HECW1: variants seen among roughly 807,000 people sequenced by gnomAD.
HECW1 encodes HECT, C2 and WW domain containing E3 ubiquitin protein ligase 1.
Under a neutral mutation model 182.3 loss-of-function variants are expected in HECW1, and 61 were observed. The ratio of observed to expected loss-of-function variants is 0.33; its 90% CI spans 0.27 to 0.41. HECW1 has a LOEUF of 0.41. Ranked by LOEUF, HECW1 falls within the 10% of genes least tolerant of loss-of-function variation. The probability of loss-of-function intolerance (pLI) is 1.00; values close to 1 mark genes in which losing one functional copy is unlikely to be tolerated. For synonymous variants in HECW1, 859 were observed against 832.6 expected (o/e 1.03, Z -0.55); for missense variants, 1,739 against 2,108.9 (o/e 0.82, Z 3.44).
chr7:43,132,978 TAAGA>T (rs1047872933), intron 2 of HECW1, among the ~76,000 whole-genome samples: 3 of 152,218 alleles, frequency 2.0e-5, no homozygotes, highest in African/African-American at 2.4e-5. Context: ...AGTTTTTTAA[TAAGA>T]AAGAAGGATG....
At chr7:43,378,993 G>C (rs993356410) in intron 6 of HECW1, among the ~76,000 whole-genome samples, 39 of 152,180 alleles carry the variant, frequency 2.6e-4, no homozygotes, top group African/African-American at 9.4e-4. Flanking sequence ...CTTATGGGGG[G>C]GCGGTGTGCC....
chr7:43,534,434 G>A (rs947820164), intron 24 of HECW1, among the ~76,000 whole-genome samples: 1 of 152,224 alleles, frequency 6.6e-6, no homozygotes, highest in Non-Finnish European at 1.5e-5. Flanking sequence ...AAGAGGGAGA[G>A]AAGGAAGGGA....
chr7:43,474,939 A>C (rs2078164918), intron 16 of HECW1, among the ~76,000 whole-genome samples: 1 of 152,198 alleles, frequency 6.6e-6, no homozygotes, highest in East Asian at 1.9e-4. Context: ...AGATTTATAG[A>C]GATAGAAAGT....
chr7:43,489,335 A>G (rs1490659543), intron 17 of HECW1, among the ~76,000 whole-genome samples: 2 of 152,248 alleles, frequency 1.3e-5, no homozygotes, highest in Non-Finnish European at 2.9e-5. Context: ...GAGACTTATA[A>G]TTTCAATCCC....
At chr7:43,489,729 CTGCATACAAAGGA>C (rs2078857329) in intron 17 of HECW1, among the ~76,000 whole-genome samples, 1 of 152,216 alleles carries the variant, frequency 6.6e-6, no homozygotes, top group Admixed American at 6.5e-5. Flanking sequence ...TGGCCCCTGT[CTGCATACAAAGGA>C]TGTTATCCTT....
chr7:43,114,244 A>T lies in HECW1; in HGVS notation c.-179A>T. On this transcript the variant is annotated 5_prime_UTR_variant, in exon 2 of 30. Transcript: ENST00000395891. The stretch of plus-strand genomic sequence containing the variant: ...GAGGCATCTTCTCTCTTTTCCTGGG[A>T]TTTAAACGCGATTTAGGAGGGCAGA... 1.5e-6 allele frequency: 2 copies of T among 1,363,188 alleles called. No individual in the cohort carries two copies. The allele number at this position is 1,363,188 out of a possible 1,614,324, so 84.4% of individuals were successfully genotyped here.
chr7:43,513,805 C>T (rs2079997407), intron 24 of HECW1, among the ~76,000 whole-genome samples: 1 of 152,110 alleles, frequency 6.6e-6, no homozygotes, highest in African/African-American at 2.4e-5. Flanking sequence ...GACTTCCAAA[C>T]TGAAAGGACC....
At chr7:43,384,065 C>G (rs1292860494) in intron 6 of HECW1, among the ~76,000 whole-genome samples, 1 of 152,126 alleles carries the variant, frequency 6.6e-6, no homozygotes, top group Non-Finnish European at 1.5e-5. Flanking sequence ...GGTGCTTTGT[C>G]TGCAAGTTTT....
intron 3 of HECW1, among the ~76,000 whole-genome samples, chr7:43,278,986 C>T (rs781647473): frequency 3.3e-5 from 5 of 152,200 alleles, no homozygotes; most frequent in Non-Finnish European, 5.9e-5. Context: ...ATCTGGAGTG[C>T]CTAGCATAGT....
intron 2 of HECW1, among the ~76,000 whole-genome samples, chr7:43,220,732 G>A (rs548365946): frequency 1.4e-4 from 22 of 152,286 alleles, no homozygotes; most frequent in Middle Eastern, 3.4e-3. Flanking sequence ...AAATGTTGAC[G>A]TGTTGGTGCC....
intron 26 of HECW1, among the ~76,000 whole-genome samples, chr7:43,547,653 TTTC>T (rs1192284044): frequency 6.6e-6 from 1 of 152,242 alleles, no homozygotes; most frequent in Non-Finnish European, 1.5e-5. Context: ...GCTTCATGAA[TTTC>T]GTTTTCCTTT....
At position 43,243,872 on chromosome 7, in the gene HECW1, C is replaced by T; in HGVS notation, c.-31-3C>T. 1 of 1,611,910 alleles carries T rather than the reference C, an allele frequency of 6.2e-7. No individual in the cohort carries two copies. The highest frequency in any genetic ancestry group is 8.5e-7 in the Non-Finnish European group (1 of 1,178,030). ...AAGTTAACCTCGTTGGACTTTTCCC[C>T]AGGAATTGATGCGCGTACACGTGGT... is the stretch of plus-strand genomic sequence containing the variant. On this transcript the variant is annotated splice_polypyrimidine_tract_variant and splice_region_variant and intron_variant, in intron 2 of 29. Transcript: ENST00000395891. This position sits in a 1 kb window ranked among gnomAD's most constrained non-coding sequence, Gnocchi z 4.0.
In HECW1 at chr7:43,456,349, G is replaced by A; in HGVS notation, c.2553G>A (p.Val851=). The change falls in exon 13 of 30, where the codon GTG becomes GTA. Residue 851 remains valine (V), a synonymous_variant. Coordinates refer to ENST00000395891, the MANE Select transcript of HECW1 (RefSeq NM_015052.5). ...GGCGGGTCTTTTATGTGGACCACGTGAACCGCACAACCACCTGGCAGCGTC... is the reference window on the plus strand; with the variant it reads ...GGCGGGTCTTTTATGTGGACCACGTAAACCGCACAACCACCTGGCAGCGTC... ...SHGRVFYVDH[V]NRTTTWQRPT... is the part of the protein sequence containing the mutation. The A allele has an allele frequency of 6.2e-7, 1 of 1,614,006 alleles. No individual in the cohort carries two copies. Among genetic ancestry groups the A allele is most frequent in the Non-Finnish European group, 8.5e-7 (1 of 1,179,946 alleles).
chr7:43,400,429 A>C (rs1362925905), intron 7 of HECW1, among the ~76,000 whole-genome samples: 1 of 152,194 alleles, frequency 6.6e-6, no homozygotes, highest in Non-Finnish European at 1.5e-5. Context: ...CCGGGACTAC[A>C]TGACATGCTC....
chr7:43,394,526 C>T (rs79808592), intron 6 of HECW1, among the ~76,000 whole-genome samples: 64 of 152,226 alleles, frequency 4.2e-4, no homozygotes, highest in African/African-American at 1.5e-3. Context: ...TCTCCTTGAG[C>T]AACTAAAATT....
chr7:43,385,953 T>C (rs1409217550), intron 6 of HECW1, among the ~76,000 whole-genome samples: 5 of 152,150 alleles, frequency 3.3e-5, no homozygotes, highest in Admixed American at 6.5e-5. Flanking sequence ...CATCTGGAAG[T>C]TCTGTGGAAA....
At chr7:43,213,539 G>A (rs140755262) in intron 2 of HECW1, among the ~76,000 whole-genome samples, 4,140 of 149,256 alleles carry the variant, frequency 0.028, 146 homozygotes, top group African/African-American at 0.076. Flanking sequence ...TCCACCTTCC[G>A]GGTTCACACC....
intron 8 of HECW1, among the ~76,000 whole-genome samples, chr7:43,429,821 G>A (rs962351574): frequency 2.0e-5 from 3 of 152,154 alleles, no homozygotes; most frequent in African/African-American, 7.2e-5. Context: ...GCAGCCTCTT[G>A]TGAATGAAAC....
intron 3 of HECW1, among the ~76,000 whole-genome samples, chr7:43,300,626 C>G (rs942665947): frequency 2.0e-5 from 3 of 152,186 alleles, no homozygotes; most frequent in African/African-American, 7.2e-5. Context: ...CATAAATGCT[C>G]TGAGACATCA....
Sources: gnomAD v4.1 joint callset for allele counts (sites outside exome capture counted in the v4.1 genomes callset) on GRCh38, gnomAD v4.1.1 for gene constraint, Gnocchi (gnomAD v3.1) non-coding constraint, MANE v1.5 for transcripts, NCBI Gene and HGNC (gene_info 2026-07-23, HGNC 2026-07-21) for gene names.